The following FAT3 variants were observed in gnomAD, a reference collection of about 807,000 sequenced individuals.
The protein encoded by FAT3 is FAT atypical cadherin 3, also known as protocadherin Fat 3.
FAT3 carries 95 observed loss-of-function variants against 310.2 expected under a neutral mutation model. That is an observed-to-expected ratio of 0.31 (90% confidence interval 0.26 to 0.36). The LOEUF is 0.36. Ranked by LOEUF, FAT3 falls within the 10% of genes least tolerant of loss-of-function variation. The probability of loss-of-function intolerance (pLI) is 1.00; values close to 1 mark genes in which losing one functional copy is unlikely to be tolerated. For missense variants in FAT3, 5,408 were observed against 5,715.6 expected, an observed-to-expected ratio of 0.95 and a Z score of 1.74; for synonymous variants, 2,314 against 2,192.9, an observed-to-expected ratio of 1.06 and a Z score of -1.54.
At chr11:92,296,928 T>G (rs535789786) in intron 1 of FAT3, among the ~76,000 whole-genome samples, 4 of 152,102 alleles carry the variant, frequency 2.6e-5, no homozygotes, top group Non-Finnish European at 5.9e-5. Context: ...GAACAGTGAG[T>G]ATTAAGTGAT....
intron 2 of FAT3, among the ~76,000 whole-genome samples, chr11:92,513,398 G>A (rs1022380861): frequency 1.3e-5 from 2 of 152,154 alleles, no homozygotes; most frequent in Non-Finnish European, 2.9e-5. Flanking sequence ...AAGAAAAATA[G>A]TATCTGTATG....
intron 1 of FAT3, among the ~76,000 whole-genome samples, chr11:92,237,189 G>C (rs1031869484): frequency 2.0e-5 from 3 of 152,126 alleles, no homozygotes; most frequent in African/African-American, 7.2e-5. Flanking sequence ...TAGTGGGAAA[G>C]TAATTGAGAG....
chr11:92,584,091 G>T (rs1650865397), intron 3 of FAT3, among the ~76,000 whole-genome samples: 1 of 151,944 alleles, frequency 6.6e-6, no homozygotes, highest in Non-Finnish European at 1.5e-5. Context: ...GTTGAATACT[G>T]CTACCTTTCT....
intron 3 of FAT3, among the ~76,000 whole-genome samples, chr11:92,641,210 A>G (rs922768609): frequency 5.3e-5 from 8 of 152,112 alleles, no homozygotes; most frequent in African/African-American, 7.2e-5. Context: ...ACACACAAAA[A>G]ATGTTCACCA....
intron 3 of FAT3, among the ~76,000 whole-genome samples, chr11:92,567,090 G>A (rs1381129583): frequency 1.3e-5 from 2 of 152,104 alleles, no homozygotes; most frequent in African/African-American, 2.4e-5. Context: ...TGCCATCAGA[G>A]TGAACAGGCA....
chr11:92,590,370 A>C (rs1416122075), intron 3 of FAT3, among the ~76,000 whole-genome samples: 2 of 152,252 alleles, frequency 1.3e-5, no homozygotes, highest in East Asian at 3.9e-4. Flanking sequence ...AGCTACAGAG[A>C]TGGAGAAGTT....
intron 4 of FAT3, among the ~76,000 whole-genome samples, chr11:92,733,799 G>T (rs1945259429): frequency 6.6e-6 from 1 of 152,202 alleles, no homozygotes; most frequent in Non-Finnish European, 1.5e-5. Context: ...GGAAACTGAA[G>T]CTGTAGGTAC....
intron 2 of FAT3, among the ~76,000 whole-genome samples, chr11:92,500,470 A>G (rs1565364793): frequency 6.6e-6 from 1 of 152,068 alleles, no homozygotes; most frequent in South Asian, 2.1e-4. Context: ...AGAAATTTGA[A>G]GGAGGAAAAA....
intron 2 of FAT3, among the ~76,000 whole-genome samples, chr11:92,466,053 G>T (rs1362772222): frequency 6.6e-6 from 1 of 152,054 alleles, no homozygotes; most frequent in Non-Finnish European, 1.5e-5. Context: ...TATACAGCAG[G>T]TACTATTGTC....
intron 3 of FAT3, among the ~76,000 whole-genome samples, chr11:92,544,120 T>A (rs1954542166): frequency 6.6e-6 from 1 of 152,158 alleles, no homozygotes; most frequent in Non-Finnish European, 1.5e-5. Flanking sequence ...GAGAAGAATC[T>A]CAAATTATTG....
chr11:92,500,753 A>G (rs532676903), intron 2 of FAT3, among the ~76,000 whole-genome samples: 2 of 152,178 alleles, frequency 1.3e-5, no homozygotes, highest in South Asian at 4.1e-4. Flanking sequence ...AAGGAAAAGT[A>G]TCACCTTAAT....
chr11:92,774,581 A>C (rs927202277), intron 7 of FAT3, among the ~76,000 whole-genome samples: 3 of 152,216 alleles, frequency 2.0e-5, no homozygotes, highest in African/African-American at 7.2e-5. Context: ...AGAATACCTA[A>C]GAGTCCAAAT....
Position 92,352,706 on chromosome 11 carries a change from A to G in FAT3, c.594A>G (p.Lys198=). 1 of 1,613,832 alleles carries G rather than the reference A, an allele frequency of 6.2e-7. No homozygotes were observed. Among genetic ancestry groups the G allele is most frequent in the Non-Finnish European group, 8.5e-7 (1 of 1,179,850 alleles). The change falls in exon 2 of 28, where the codon AAA becomes AAG. Residue 198 remains lysine, a synonymous_variant. Coordinates refer to ENST00000525166, the MANE Select transcript of FAT3 (RefSeq NM_001367949.2). ...GSNGEFYYYF[K]NKVDLFSVHP... is the part of the protein sequence containing the mutation. ...ATGGAGAATTCTACTACTACTTTAA[A>G]AATAAAGTTGATCTCTTTTCAGTTC... is the stretch of plus-strand genomic sequence containing the variant.
At chr11:92,718,359 G>A (rs1944752300) in intron 4 of FAT3, among the ~76,000 whole-genome samples, 1 of 152,120 alleles carries the variant, frequency 6.6e-6, no homozygotes, top group African/African-American at 2.4e-5. Flanking sequence ...TGAGCTTGGG[G>A]TTATATGGTG....
At chr11:92,785,621 A>G (rs1215082081) in intron 7 of FAT3, among the ~76,000 whole-genome samples, 1 of 152,192 alleles carries the variant, frequency 6.6e-6, no homozygotes, top group African/African-American at 2.4e-5. Flanking sequence ...TATTTAGGGT[A>G]GTACATATAT....
In FAT3 at chr11:92,894,964, T is replaced by C. The variant is rs895625685; in HGVS notation, c.*3851T>C. 3 of 152,218 alleles carry C rather than the reference T, an allele frequency of 2.0e-5. No homozygotes were observed. The highest frequency in any genetic ancestry group is 7.2e-5 in the African/African-American group (3 of 41,458). 9.4% of individuals were successfully genotyped at this position (152,218 alleles called of 1,614,324 possible). A position where few individuals can be genotyped will look rare whatever the true frequency, so the allele number is the denominator to read the frequency against. On this transcript the variant is annotated 3_prime_UTR_variant, in exon 28 of 28. Transcript: ENST00000525166. ...CTATCCACTACCCCCACTGATGCTA[T>C]GTTTGCATCATCAAAGTCAGGGGAA... is the stretch of plus-strand genomic sequence containing the variant.
At chr11:92,874,601 G>A (rs1054034032) in intron 22 of FAT3, among the ~76,000 whole-genome samples, 2 of 152,192 alleles carry the variant, frequency 1.3e-5, no homozygotes, top group Non-Finnish European at 2.9e-5. Context: ...GTGCAATGGC[G>A]TGATCTCGGC....
intron 2 of FAT3, among the ~76,000 whole-genome samples, chr11:92,470,193 T>G (rs1249239502): frequency 6.6e-6 from 1 of 152,210 alleles, no homozygotes; most frequent in African/African-American, 2.4e-5. Flanking sequence ...AAATTCTCTC[T>G]TCCATACTTG....
intron 4 of FAT3, among the ~76,000 whole-genome samples, chr11:92,744,466 A>G (rs1421361443): frequency 1.3e-5 from 2 of 152,218 alleles, no homozygotes; most frequent in African/African-American, 4.8e-5. Context: ...CCATTTACAT[A>G]TTAAATGTTT....
Sources: allele counts gnomAD v4.1 joint callset (sites outside exome capture counted in the v4.1 genomes callset), GRCh38; gene constraint gnomAD v4.1.1; transcripts MANE v1.5; gene names NCBI Gene and HGNC (gene_info 2026-07-23, HGNC 2026-07-21).